OCA2: variants seen among roughly 807,000 people sequenced by gnomAD.
OCA2 encodes OCA2 melanosomal transmembrane protein, also known as P protein.
OCA2 carries 77 observed loss-of-function variants against 100.2 expected under a neutral mutation model. The observed-to-expected ratio is 0.77, with a 90% confidence interval of 0.64 to 0.93. The LOEUF (loss-of-function observed/expected upper bound fraction) is 0.93, where lower values mean the gene tolerates loss of function less well. OCA2 is among the 40% of genes least tolerant of loss of function. The pLI is 0.00. For missense variants in OCA2, 1,062 were observed against 1,089.1 expected (o/e 0.98, Z 0.35); for synonymous variants, 432 against 439.2 (o/e 0.98, Z 0.21).
intron 4 of OCA2, 99 bp downstream of exon 4, chr15:28,027,772 C>A (rs1166963053): frequency 1.4e-5 from 18 of 1,272,126 alleles, no homozygotes; most frequent in Non-Finnish European, 1.1e-6. Context: ...CAAAACTCAT[C>A]CTCTTCTTCA....
At chr15:27,722,794 CTCTCTCTT>C in the OCA2 span, among the ~76,000 whole-genome samples, 37 of 140,734 alleles carry the variant, frequency 2.6e-4, no homozygotes, top group African/African-American at 3.3e-4. Flanking sequence ...CTCTCTCTCT[CTCTCTCTT>C]TCTCTCTCTC....
At chr15:28,031,939 A>C (rs910969750) in intron 3 of OCA2, 126 bp downstream of exon 3, 1 of 772,974 alleles carries the variant, frequency 1.3e-6, no homozygotes, top group Non-Finnish European at 2.4e-6. Flanking sequence ...TACTACAATA[A>C]ATTGTCAAGG....
chr15:27,837,971 C>T (rs1161965233), intron 23 of OCA2, among the ~76,000 whole-genome samples: 1 of 151,932 alleles, frequency 6.6e-6, no homozygotes, highest in East Asian at 1.9e-4. Context: ...AAATTAGGAA[C>T]CCTGGAACTG....
At chr15:27,778,645 G>A (rs997390603) in intron 23 of OCA2, among the ~76,000 whole-genome samples, 14 of 152,096 alleles carry the variant, frequency 9.2e-5, no homozygotes, top group African/African-American at 3.4e-4. Flanking sequence ...TAGCAGGAGA[G>A]AAGAAAAGTT....
intron 14 of OCA2, among the ~76,000 whole-genome samples, chr15:27,981,666 G>A (rs930715122): frequency 1.3e-5 from 2 of 152,142 alleles, no homozygotes; most frequent in Admixed American, 6.5e-5. Context: ...TATTCCTGTC[G>A]TGTGCGTCAA....
intron 9 of OCA2, among the ~76,000 whole-genome samples, chr15:27,997,140 A>AAG (rs1202994142): frequency 0.024 from 859 of 35,120 alleles, 6 homozygotes; most frequent in African/African-American, 0.031. Context: ...AGAAGGAAGG[A>AAG]AGAGAGAGAG....
the OCA2 span, among the ~76,000 whole-genome samples, chr15:27,742,865 G>A: frequency 6.6e-6 from 1 of 152,310 alleles, no homozygotes. Context: ...GGGAGTGAAG[G>A]AAGCGGGAGA....
intron 19 of OCA2, among the ~76,000 whole-genome samples, chr15:27,891,947 A>T (rs1272259099): frequency 6.6e-6 from 1 of 152,190 alleles, no homozygotes; most frequent in African/African-American, 2.4e-5. Context: ...TAGACTTCAA[A>T]ATAAAGAAAA....
In OCA2 at chr15:28,018,479, C is replaced by T; in HGVS notation, c.725G>A (p.Ser242Asn). 12 of 1,613,822 alleles carry T rather than the reference C, an allele frequency of 7.4e-6. No individual in the cohort carries two copies. The highest frequency in any genetic ancestry group is 1.7e-5 in the Admixed American group (1 of 60,018). ...GATGTGCTCTTCCCTCCCAGGACGA[C>T]TCGGCCCACTGGCCACTAGGGCCCC... ...LAGALVASGP[S>N]RPGREEHIVV... The change falls in exon 7 of 24, where the codon AGT becomes AAT. Residue 242 changes from serine to asparagine, a missense_variant. Physicochemically the swap from Ser to Asn is conservative, Grantham distance 46. Coordinates refer to ENST00000354638, the MANE Select transcript of OCA2 (RefSeq NM_000275.3).
chr15:28,032,398 C>T (rs2042931002), intron 2 of OCA2, among the ~76,000 whole-genome samples: 1 of 152,146 alleles, frequency 6.6e-6, no homozygotes, highest in African/African-American at 2.4e-5. Context: ...CACAGGAGAC[C>T]AAATACTATG....
intron 19 of OCA2, among the ~76,000 whole-genome samples, chr15:27,913,117 T>A (rs1206605608): frequency 1.3e-5 from 2 of 152,214 alleles, no homozygotes; most frequent in Non-Finnish European, 2.9e-5. Flanking sequence ...AATGTGGGAT[T>A]CTGGATAGAA....
chr15:27,967,983 T>C (rs1052845262), intron 14 of OCA2, among the ~76,000 whole-genome samples: 4 of 152,234 alleles, frequency 2.6e-5, no homozygotes, highest in African/African-American at 7.2e-5. Context: ...AGCAGCGTCA[T>C]TGGTTGGTTC....
At chr15:28,052,921 T>C (rs1366179002) in intron 2 of OCA2, among the ~76,000 whole-genome samples, 1 of 152,124 alleles carries the variant, frequency 6.6e-6, no homozygotes, top group East Asian at 1.9e-4. Flanking sequence ...TGTGAGCAAG[T>C]ATAACGCAAG....
Position 28,026,777 on chromosome 15 carries a change from G to A in OCA2, c.515+1094C>T, listed in dbSNP as rs150602500. On this transcript the variant is annotated intron_variant, in intron 4 of 23. Coordinates refer to ENST00000354638, the MANE Select transcript of OCA2 (RefSeq NM_000275.3). Reference sequence around the variant, plus strand: ...GGAGGTGCACTTGGAGCGTGCAGGCGGGTACACTTCCAACCAACCGCGAGC... The same window carrying A: ...GGAGGTGCACTTGGAGCGTGCAGGCAGGTACACTTCCAACCAACCGCGAGC... Among the ~76,000 whole-genome samples the A allele has an allele frequency of 1.7e-3, 255 of 152,318 alleles. 5 individuals carry two copies. Among genetic ancestry groups the A allele is most frequent in the Middle Eastern group, 3.4e-3 (1 of 294 alleles).
At chr15:28,002,066 G>A (rs932589189) in intron 9 of OCA2, among the ~76,000 whole-genome samples, 2 of 152,158 alleles carry the variant, frequency 1.3e-5, no homozygotes, top group South Asian at 2.1e-4. Flanking sequence ...CAGATGTGGG[G>A]CACTCCAGAA....
chr15:27,919,251 C>G (rs1052299399), intron 19 of OCA2, among the ~76,000 whole-genome samples: 1 of 152,128 alleles, frequency 6.6e-6, no homozygotes, highest in African/African-American at 2.4e-5. Context: ...CAATTATCCT[C>G]TGGCCATAAT....
chr15:27,834,773 C>T (rs1269993056), intron 23 of OCA2, among the ~76,000 whole-genome samples: 1 of 152,144 alleles, frequency 6.6e-6, no homozygotes, highest in African/African-American at 2.4e-5. Context: ...CGCCTGTCAC[C>T]CACCTTCCAT....
chr15:27,744,387 T>G, the OCA2 span, among the ~76,000 whole-genome samples: 78 of 152,212 alleles, frequency 5.1e-4, no homozygotes, highest in African/African-American at 1.9e-3. Context: ...GAGGCTGGGC[T>G]GGATGGGGGA....
rs141037970 is a variant in OCA2, at chr15:27,989,622, C to T, written c.1161G>A (p.Thr387=). The T allele has an allele frequency of 9.3e-6, 15 of 1,613,962 alleles. No individual in the cohort carries two copies. In the African/African-American group the frequency reaches 1.1e-4, roughly 11 times the overall value. The part of the protein sequence containing the change: ...THVVEWIDFE[T]LALLFGMMIL... ...TTACCATGCCAAACAGCAGGGCCAG[C>T]GTCTCAAAATCAATCCACTCCACCA... Residue 387 remains threonine (T), a synonymous_variant, in exon 11 of 24, where the codon ACG becomes ACA. Transcript: ENST00000354638.
Sources: allele counts gnomAD v4.1 joint callset (sites outside exome capture counted in the v4.1 genomes callset), GRCh38; gene constraint gnomAD v4.1.1; transcripts MANE v1.5; gene names NCBI Gene and HGNC (gene_info 2026-07-23, HGNC 2026-07-21).